Variants in ANKHD1 observed in about 807,000 individuals in gnomAD.
The protein encoded by ANKHD1 is ankyrin repeat and KH domain-containing protein 1.
Under a neutral mutation model 230.5 loss-of-function variants are expected in ANKHD1, and 31 were observed. The observed-to-expected ratio is 0.13, with a 90% CI of 0.10 to 0.18. ANKHD1 has a LOEUF of 0.18. Among genes scored for constraint, ANKHD1 ranks in the 10% least tolerant of loss-of-function variants. The pLI is 1.00. For missense variants in ANKHD1, 2,256 were observed against 3,071.3 expected (o/e 0.73, Z 6.27); for synonymous variants, 1,074 against 1,117.6 (o/e 0.96, Z 0.78).
chr5:140,484,520 CTT>C (rs1164419806), intron 11 of ANKHD1, among the ~76,000 whole-genome samples: 1 of 152,162 alleles, frequency 6.6e-6, no homozygotes, highest in Non-Finnish European at 1.5e-5. Context: ...TTATATATCT[CTT>C]AAACATTGCT....
intron 29 of ANKHD1, among the ~76,000 whole-genome samples, chr5:140,530,668 A>G (rs1040299001): frequency 3.9e-5 from 6 of 152,244 alleles, no homozygotes; most frequent in Non-Finnish European, 7.3e-5. Context: ...TTTGGCTTGG[A>G]GATATTTGGA....
At chr5:140,523,963 A>G (rs901904276) in intron 24 of ANKHD1, 103 bp from the exon 25 acceptor site, 1 of 1,381,188 alleles carries the variant, frequency 7.2e-7, no homozygotes, top group African/African-American at 1.5e-5. Context: ...GTGTTTTGAG[A>G]GTAACATCCA....
Position 140,529,784 on chromosome 5 carries a change from A to C in ANKHD1, c.6838A>C (p.Thr2280Pro). ...GFRPPSQRVS[T>P]SPVGLPSIDP... Reference sequence around the variant, plus strand: ...CAGACCACCTTCCCAGCGAGTTTCTACTAGTCCAGTTGGTAAGTTATTAAC... The same window carrying C: ...CAGACCACCTTCCCAGCGAGTTTCTCCTAGTCCAGTTGGTAAGTTATTAAC... Residue 2280 changes from threonine (T) to proline (P), a missense_variant, in exon 29 of 34, where the codon ACT (threonine) becomes CCT (proline). Physicochemically the swap from Thr to Pro is conservative, Grantham distance 38 (BLOSUM62 -1). Around this residue, in one of 13 missense-constraint regions of ANKHD1, gnomAD observed 778 missense variants for 966.5 expected, o/e 0.80. Coordinates refer to ENST00000360839, the MANE Select transcript of ANKHD1 (RefSeq NM_017747.3). 1 of 1,613,884 alleles carries C rather than the reference A, an allele frequency of 6.2e-7. No individual in the cohort carries two copies.
At chr5:140,449,461 G>A (rs1344511875) in intron 7 of ANKHD1, among the ~76,000 whole-genome samples, 156 bp downstream of exon 7, 3 of 152,056 alleles carry the variant, frequency 2.0e-5, no homozygotes, top group Admixed American at 6.6e-5. Flanking sequence ...TCAGGAGTTC[G>A]AGACCAGCCT....
intron 6 of ANKHD1, among the ~76,000 whole-genome samples, chr5:140,446,313 A>G (rs1774276825): frequency 6.6e-6 from 1 of 152,192 alleles, no homozygotes; most frequent in African/African-American, 2.4e-5. Context: ...CCAAAGTAAT[A>G]ATACACACAA....
chr5:140,433,861 G>T (rs1009859598), intron 1 of ANKHD1, among the ~76,000 whole-genome samples: 13 of 152,078 alleles, frequency 8.5e-5, no homozygotes, highest in African/African-American at 2.4e-4. Flanking sequence ...CAACTGGCAG[G>T]TATGTATATC....
At chr5:140,536,499 A>G (rs1754083452) in intron 30 of ANKHD1, among the ~76,000 whole-genome samples, 2 of 152,214 alleles carry the variant, frequency 1.3e-5, no homozygotes, top group Non-Finnish European at 2.9e-5. Context: ...GTCAGTGAGT[A>G]TTGGCTTTTT....
In ANKHD1 at chr5:140,438,532, T is replaced by G; in HGVS notation, c.532T>G (p.Ser178Ala). 1 of 1,613,540 alleles carries G rather than the reference T, an allele frequency of 6.2e-7. No individual in the cohort carries two copies. The highest frequency in any genetic ancestry group is 8.5e-7 in the Non-Finnish European group (1 of 1,179,640). Residue 178 changes from serine (S) to alanine (A), a missense_variant, in exon 3 of 34, where the codon TCA (serine) becomes GCA (alanine). This residue lies in a region of ANKHD1 where 206 missense variants were observed against 304.5 expected (regional missense o/e 0.68). Transcript: ENST00000360839. ...TGAGGTACTCCGGAGACTGACATCC[T>G]CAGTTAGTTGTGCACTGGATGAAGC... ...DPEVLRRLTS[S>A]VSCALDEAAA... is the part of the protein sequence containing the mutation.
intron 20 of ANKHD1, among the ~76,000 whole-genome samples, 153 bp downstream of exon 20, chr5:140,508,151 A>G (rs532299713): frequency 6.6e-6 from 1 of 152,368 alleles, no homozygotes; most frequent in East Asian, 1.9e-4. Context: ...ATAGTGAGTG[A>G]CATACTGTCA....
At chr5:140,451,260 TG>T (rs1187834926) in intron 7 of ANKHD1, among the ~76,000 whole-genome samples, 1 of 152,220 alleles carries the variant, frequency 6.6e-6, no homozygotes, top group East Asian at 1.9e-4. Flanking sequence ...AGCAGTTCCT[TG>T]ATCTGTTGAC....
At chr5:140,464,408 G>A (rs1775942331) in intron 9 of ANKHD1, among the ~76,000 whole-genome samples, 1 of 152,038 alleles carries the variant, frequency 6.6e-6, no homozygotes, top group Admixed American at 6.5e-5. Context: ...TTTTGGTTTT[G>A]CAGCTCTTTT....
chr5:140,405,879 C>G (rs1053286149), intron 1 of ANKHD1, among the ~76,000 whole-genome samples: 2 of 152,228 alleles, frequency 1.3e-5, no homozygotes, highest in Non-Finnish European at 2.9e-5. Flanking sequence ...GTGATTCTCC[C>G]ACCTTGGTCT....
intron 10 of ANKHD1, among the ~76,000 whole-genome samples, chr5:140,478,747 C>T (rs559833658): frequency 1.3e-5 from 2 of 152,008 alleles, no homozygotes; most frequent in Admixed American, 1.3e-4. Context: ...AAGGTTCAAG[C>T]GATTCTCCTG....
intron 5 of ANKHD1, among the ~76,000 whole-genome samples, chr5:140,442,701 G>T (rs976268670): frequency 6.6e-6 from 1 of 152,076 alleles, no homozygotes; most frequent in Non-Finnish European, 1.5e-5. Flanking sequence ...AATAATATAT[G>T]CTCATTGTAA....
rs200184503 is a variant in ANKHD1 at position 140,485,007 on chromosome 5, T to A, written c.1871-114T>A. 20 of 1,394,240 alleles carry A rather than the reference T, an allele frequency of 1.4e-5. No homozygotes were observed. In the East Asian group the frequency reaches 5.3e-4, roughly 37 times the overall value. 86.4% of individuals were successfully genotyped at this position (1,394,240 alleles called of 1,614,324 possible). On this transcript the variant is annotated intron_variant, in intron 11 of 33. Transcript: ENST00000360839. This position sits in a 1 kb window ranked among gnomAD's most constrained non-coding sequence, Gnocchi z 4.8. ...AAATTCAAACTATACACTTAATGAT[T>A]TGTATATTTTTTTGTATCTACATTA...
At chr5:140,509,086 GT>G (rs1752655802) in intron 20 of ANKHD1, among the ~76,000 whole-genome samples, 1 of 152,126 alleles carries the variant, frequency 6.6e-6, no homozygotes, top group African/African-American at 2.4e-5. Flanking sequence ...AGGAAGTGTA[GT>G]TTTTCCTTGG....
At chr5:140,469,661 A>T (rs1278331354) in intron 10 of ANKHD1, among the ~76,000 whole-genome samples, 1 of 152,172 alleles carries the variant, frequency 6.6e-6, no homozygotes, top group Non-Finnish European at 1.5e-5. Flanking sequence ...TAAAAATCAG[A>T]TATTTATTCA....
chr5:140,496,485 C>CA, intron 14 of ANKHD1, 35 bp from the exon 15 acceptor site: 1 of 594,566 alleles, frequency 1.7e-6, no homozygotes, highest in Non-Finnish European at 2.3e-6. Flanking sequence ...TTTTTTTTAG[C>CA]ATGGCACTCT....
chr5:140,467,529 A>G (rs1275272108), intron 10 of ANKHD1, among the ~76,000 whole-genome samples: 1 of 152,206 alleles, frequency 6.6e-6, no homozygotes, highest in Admixed American at 6.5e-5. Flanking sequence ...GCAGTGCACA[A>G]TGAGCATGCC....
Sources: gnomAD v4.1 joint callset for allele counts (sites outside exome capture counted in the v4.1 genomes callset) on GRCh38, gnomAD v4.1.1 for gene constraint, gnomAD v4.1.1 regional missense constraint, Gnocchi (gnomAD v3.1) non-coding constraint, MANE v1.5 for transcripts, NCBI Gene and HGNC (gene_info 2026-07-23, HGNC 2026-07-21) for gene names.